The following BLK variants were observed in gnomAD, a reference collection of about 807,000 sequenced individuals.
BLK encodes tyrosine-protein kinase Blk.
In BLK, 64 loss-of-function variants were observed where a neutral mutation model predicts 61.8. That is an observed-to-expected ratio of 1.03 (90% CI 0.85 to 1.27). The LOEUF (loss-of-function observed/expected upper bound fraction) is 1.27, where lower values mean the gene tolerates loss of function less well. Ranked by LOEUF, BLK falls within the 50% of genes most tolerant of loss-of-function variation. The probability of loss-of-function intolerance (pLI) is 0.00; values close to 1 mark genes in which losing one functional copy is unlikely to be tolerated. For synonymous variants in BLK, 351 were observed against 272.0 expected, an observed-to-expected ratio of 1.29 and a Z score of -2.86; for missense variants, 853 against 660.5, an observed-to-expected ratio of 1.29 and a Z score of -3.19.
At position 11,558,008 on chromosome 8, in the gene BLK, A is replaced by G; in HGVS notation, c.999A>G (p.Ser333=). The G allele has an allele frequency of 6.2e-7, 1 of 1,613,988 alleles. No individual in the cohort carries two copies. The highest frequency in any genetic ancestry group is 1.1e-5 in the South Asian group (1 of 91,080). Residue 333 remains serine, a synonymous_variant, in exon 10 of 13, where the codon TCA becomes TCG. Transcript: ENST00000259089. The stretch of plus-strand genomic sequence containing the variant: ...AGACAGATGAAGGGAGCAGATTGTC[A>G]CTCCCAAGGCTGATTGACATGTCGG... The part of the protein sequence containing the change: ...FLKTDEGSRL[S]LPRLIDMSAQ...
intron 5 of BLK, chr8:11,549,860 G>C: frequency 2.4e-6 from 1 of 421,440 alleles, no homozygotes; most frequent in South Asian, 2.1e-5. Context: ...CTGTGCTTTG[G>C]AGAGAGTGAT....
At position 11,555,669 on chromosome 8, in the gene BLK, G is replaced by T. The variant is rs906238475; in HGVS notation, c.772+185G>T. On this transcript the variant is annotated intron_variant, in intron 8 of 12. Transcript: ENST00000259089. The stretch of plus-strand genomic sequence containing the variant: ...GGAGGTGCAGAGCCGCGTTGTAACA[G>T]CTGGGACCGCTTATGGTGGTGGCAG... 1.1e-5 allele frequency: 10 copies of T among 916,312 alleles called. No individual in the cohort carries two copies. In the African/African-American group the frequency reaches 1.1e-4, roughly 11 times the overall value. The allele number at this position is 916,312 out of a possible 1,614,324, so 56.8% of individuals were successfully genotyped here.
chr8:11,533,510 A>G, intron 1 of BLK, among the ~76,000 whole-genome samples: 1 of 151,890 alleles, frequency 6.6e-6, no homozygotes, highest in South Asian at 2.1e-4. Context: ...CCTCCGTGGG[A>G]AAGACCAAGG....
chr8:11,520,463 C>A (rs1223013478), intron 1 of BLK, among the ~76,000 whole-genome samples: 6 of 87,926 alleles, frequency 6.8e-5, no homozygotes, highest in Admixed American at 1.9e-4. Context: ...GGCAATGGAG[C>A]AAGACCTTGT....
At chr8:11,508,817 C>T (rs1247371920) in intron 1 of BLK, among the ~76,000 whole-genome samples, 2 of 152,208 alleles carry the variant, frequency 1.3e-5, no homozygotes, top group African/African-American at 2.4e-5. Context: ...TTGGGGCCAT[C>T]AGACAAGGGA....
chr8:11,519,271 T>C (rs1799347098), intron 1 of BLK, among the ~76,000 whole-genome samples: 1 of 152,208 alleles, frequency 6.6e-6, no homozygotes, highest in Admixed American at 6.5e-5. Context: ...TACCTTCATG[T>C]GGGGCTGCTA....
chr8:11,548,163 C>G (rs764767670), intron 4 of BLK, 38 bp downstream of exon 4: 5 of 1,519,908 alleles, frequency 3.3e-6, no homozygotes, highest in Non-Finnish European at 4.6e-6. Flanking sequence ...CCCTGCAGGA[C>G]CCCCCTCCCC....
At chr8:11,562,038 C>T (rs1040249194) in intron 11 of BLK, among the ~76,000 whole-genome samples, 1 of 152,064 alleles carries the variant, frequency 6.6e-6, no homozygotes, top group Non-Finnish European at 1.5e-5. Context: ...AGGCTGGTCT[C>T]GAACTCCTGA....
chr8:11,506,907 G>A (rs1038526699), intron 1 of BLK, among the ~76,000 whole-genome samples: 6 of 152,216 alleles, frequency 3.9e-5, no homozygotes, highest in Admixed American at 2.0e-4. Context: ...GTCACGGGCT[G>A]AAAGATCTGC....
intron 1 of BLK, among the ~76,000 whole-genome samples, chr8:11,507,132 C>T (rs183249285): frequency 1.3e-5 from 2 of 152,292 alleles, no homozygotes; most frequent in African/African-American, 2.4e-5. Flanking sequence ...TTCCAACATG[C>T]AGTATAAATG....
intron 1 of BLK, among the ~76,000 whole-genome samples, chr8:11,542,769 T>C (rs1209362022): frequency 6.6e-6 from 1 of 152,200 alleles, no homozygotes; most frequent in Non-Finnish European, 1.5e-5. Context: ...TTAGTCATCT[T>C]CTAACAAAGC....
At chr8:11,527,247 C>T (rs1373800280) in intron 1 of BLK, among the ~76,000 whole-genome samples, 1 of 152,184 alleles carries the variant, frequency 6.6e-6, no homozygotes. Context: ...AAAGTCACCT[C>T]TAAGGGGGTG....
At position 11,502,484 on chromosome 8, in the gene BLK, A is replaced by C. The variant is rs117393118; in HGVS notation, c.-2+7893A>C. On this transcript the variant is annotated intron_variant, in intron 1 of 12. Transcript: ENST00000259089. ...ATGCCTGGCTAATTTTTGTATTTTA[A>C]GTAGAGTTAGCCAGGCTGGTCTTGA... Among the ~76,000 whole-genome samples the C allele has an allele frequency of 6.7e-3, 1,024 of 152,124 alleles. 5 individuals are homozygous for C. Among genetic ancestry groups the C allele is most frequent in the Middle Eastern group, 0.01 (3 of 294 alleles).
chr8:11,559,492 TAC>T (rs1221828831), intron 10 of BLK, among the ~76,000 whole-genome samples: 36 of 144,630 alleles, frequency 2.5e-4, no homozygotes, highest in Admixed American at 2.1e-3. Flanking sequence ...CAAACACATT[TAC>T]ACAAACTCAC....
At position 11,563,965 on chromosome 8, in the gene BLK, A is replaced by G. The variant is rs922256503; in HGVS notation, c.1375A>G (p.Thr459Ala). 7 of 1,606,528 alleles carry G rather than the reference A, an allele frequency of 4.4e-6. No individual in the cohort carries two copies. The African/African-American group carries it at 8.0e-5, about 18-fold the overall frequency. ...CGGCTACCGCATGCCGCGCCCCGAC[A>G]CCTGCCCGCCCGAGCTGTACCGCGG... ...ERGYRMPRPD[T>A]CPPELYRGVI... The change falls in exon 13 of 13, where the codon ACC becomes GCC. Residue 459 changes from threonine (T) to alanine (A), a missense_variant. By Grantham distance (58) the Thr-to-Ala change is moderately conservative (BLOSUM62 0). Transcript: ENST00000259089.
intron 1 of BLK, among the ~76,000 whole-genome samples, chr8:11,535,269 A>AAAGT (rs1384754745): frequency 9.0e-6 from 1 of 110,926 alleles, no homozygotes; most frequent in Non-Finnish European, 1.9e-5. Flanking sequence ...AAGAAGAAAG[A>AAAGT]AAGAAAGAAA....
At chr8:11,537,669 G>A (rs554836114) in intron 1 of BLK, among the ~76,000 whole-genome samples, 85 of 152,228 alleles carry the variant, frequency 5.6e-4, no homozygotes, top group African/African-American at 1.5e-3. Flanking sequence ...AAGCCACCTC[G>A]CCTCGCCTTC....
intron 1 of BLK, among the ~76,000 whole-genome samples, chr8:11,503,678 G>C (rs565726969): frequency 1.4e-4 from 22 of 152,284 alleles, no homozygotes; most frequent in Admixed American, 2.0e-4. Flanking sequence ...GCTGAGACTT[G>C]CAAGGAGACA....
chr8:11,512,459 T>A (rs1799051701), intron 1 of BLK, among the ~76,000 whole-genome samples: 1 of 152,212 alleles, frequency 6.6e-6, no homozygotes, highest in South Asian at 2.1e-4. Flanking sequence ...GCCCAACAGT[T>A]CTAATCATTT....
Sources: gnomAD v4.1 joint callset for allele counts (sites outside exome capture counted in the v4.1 genomes callset) on GRCh38, gnomAD v4.1.1 for gene constraint, MANE v1.5 for transcripts, NCBI Gene and HGNC (gene_info 2026-07-23, HGNC 2026-07-21) for gene names.